The following LIPG variants were observed in gnomAD, a reference collection of about 807,000 sequenced individuals.
LIPG encodes the protein lipase G, endothelial type.
LIPG carries 34 observed loss-of-function variants against 51.8 expected under a neutral mutation model. The ratio of observed to expected loss-of-function variants is 0.66; its 90% confidence interval spans 0.50 to 0.87. The LOEUF (loss-of-function observed/expected upper bound fraction) is 0.87, where lower values mean the gene tolerates loss of function less well. Among genes scored for constraint, LIPG ranks in the 40% least tolerant of loss-of-function variants. LIPG has a pLI of 0.00. For synonymous variants in LIPG, 246 were observed against 246.1 expected (o/e 1.00, Z 0.00); for missense variants, 580 against 652.7 (o/e 0.89, Z 1.21).
chr18:49,587,770 C>A (rs1167878559), intron 9 of LIPG, among the ~76,000 whole-genome samples: 2 of 148,152 alleles, frequency 1.3e-5, no homozygotes, highest in Non-Finnish European at 3.0e-5. Flanking sequence ...GGTGCCCATT[C>A]CTGCCATCTT....
intron 7 of LIPG, among the ~76,000 whole-genome samples, chr18:49,583,208 G>A (rs143217740): frequency 2.0e-5 from 3 of 152,180 alleles, no homozygotes; most frequent in Non-Finnish European, 2.9e-5. Context: ...AAGGCTGAGC[G>A]GAACAGCGCA....
At chr18:49,567,075 G>A (rs1449977473) in intron 2 of LIPG, among the ~76,000 whole-genome samples, 5 of 152,210 alleles carry the variant, frequency 3.3e-5, no homozygotes, top group Non-Finnish European at 5.9e-5. Context: ...GGTGGCTCAC[G>A]CCTATAATCC....
chr18:49,587,622 G>T (rs1398741268), intron 9 of LIPG, among the ~76,000 whole-genome samples: 1 of 127,496 alleles, frequency 7.8e-6, no homozygotes, highest in Non-Finnish European at 1.7e-5. Context: ...AGGAGATAAA[G>T]AAGCAAGTGA....
Position 49,562,378 on chromosome 18 carries a change from C to T in LIPG, c.70C>T (p.Pro24Ser). Residue 24 changes from proline (P) to serine (S), a missense_variant, in exon 1 of 10, where the codon CCT becomes TCT. Physicochemically the swap from Pro to Ser is moderately conservative, Grantham distance 74. Coordinates refer to ENST00000261292, the MANE Select transcript of LIPG (RefSeq NM_006033.4). Reference sequence around the variant, plus strand: ...TTGCTTTGCTGCGGGGAGCCCCGTACCTTTTGGTCCAGAGGGACGGCTGGA... The same window carrying T: ...TTGCTTTGCTGCGGGGAGCCCCGTATCTTTTGGTCCAGAGGGACGGCTGGA... ...CYCFAAGSPV[P>S]FGPEGRLEDK... 9.3e-6 allele frequency: 15 copies of T among 1,614,032 alleles called. No homozygotes were observed. The highest frequency in any genetic ancestry group is 1.3e-5 in the Non-Finnish European group (15 of 1,180,040).
rs775729583 is a variant in LIPG, at chr18:49,581,657, G to A, written c.1036G>A (p.Val346Ile). The A allele has an allele frequency of 2.5e-6, 4 of 1,613,070 alleles. No individual in the cohort carries two copies. Among genetic ancestry groups the A allele is most frequent in the Admixed American group, 3.3e-5 (2 of 60,026 alleles). ...LKTRAGMPFRVYHYQMKIHVF... is the reference protein window; with the variant it reads ...LKTRAGMPFRIYHYQMKIHVF... Reference sequence around the variant, plus strand: ...AACCCGGGCAGGCATGCCTTTCAGAGGTAACCTTCAGTCCCTGGAGTGTCC... The same window carrying A: ...AACCCGGGCAGGCATGCCTTTCAGAAGTAACCTTCAGTCCCTGGAGTGTCC... Residue 346 changes from valine (V) to isoleucine (I), a missense_variant and splice_region_variant, in exon 6 of 10, where the codon GTT becomes ATT. Coordinates refer to ENST00000261292, the MANE Select transcript of LIPG (RefSeq NM_006033.4).
intron 1 of LIPG, among the ~76,000 whole-genome samples, chr18:49,562,881 G>C (rs1173572799): frequency 6.6e-6 from 1 of 152,210 alleles, no homozygotes; most frequent in Non-Finnish European, 1.5e-5. Context: ...TGCTTGCAGG[G>C]AGCGTCTGGT....
chr18:49,578,911 CT>C (rs1238328257), intron 5 of LIPG, among the ~76,000 whole-genome samples: 1 of 146,434 alleles, frequency 6.8e-6, no homozygotes, highest in African/African-American at 2.6e-5. Context: ...ACTCGGCAGG[CT>C]GAGGCAGGAG....
intron 5 of LIPG, among the ~76,000 whole-genome samples, chr18:49,579,009 G>A (rs1440475496): frequency 0.038 from 1 of 26 alleles, no homozygotes; most frequent in South Asian, 0.25. Flanking sequence ...GTGGGGAGAG[G>A]GAGAGGGAGA....
In LIPG at chr18:49,583,691, C is replaced by A. The variant is rs762656984; in HGVS notation, c.1293C>A (p.Arg431=). 1 of 1,614,190 alleles carries A rather than the reference C, an allele frequency of 6.2e-7. No individual in the cohort carries two copies. Among genetic ancestry groups the A allele is most frequent in the Non-Finnish European group, 8.5e-7 (1 of 1,180,042 alleles). The stretch of plus-strand genomic sequence containing the variant: ...GGTACAACCTGTGGAAGGAGTTTCG[C>A]AGCTACCTGTCTCAACCCCGCAACC... ...QSWYNLWKEF[R]SYLSQPRNPG... The change falls in exon 8 of 10, where the codon CGC becomes CGA. Residue 431 remains arginine, a synonymous_variant. Transcript: ENST00000261292.
intron 2 of LIPG, 92 bp downstream of exon 2, chr18:49,565,590 C>T (rs1475081593): frequency 2.1e-5 from 30 of 1,408,504 alleles, no homozygotes; most frequent in East Asian, 6.9e-5. Context: ...TTCCAGATTC[C>T]AAACCCTCTT....
upstream of LIPG, chr18:49,561,568 A>C: frequency 2.7e-6 from 2 of 746,764 alleles, no homozygotes; most frequent in South Asian, 7.1e-5. Flanking sequence ...CTAGGCGGGA[A>C]GGGAGGGAGA....
In LIPG at chr18:49,591,353, T is replaced by C. The variant is rs1268012082; in HGVS notation, c.*831T>C. ...GCTTTAAGTGGTTTCTATTTCTTCT[T>C]AGTTATTATGTGCCACCTTCTTAGT... On this transcript the variant is annotated 3_prime_UTR_variant, in exon 10 of 10. Transcript: ENST00000261292. 1 of 152,180 alleles carries C rather than the reference T, an allele frequency of 6.6e-6. No individual in the cohort carries two copies. The highest frequency in any genetic ancestry group is 1.5e-5 in the Non-Finnish European group (1 of 68,030). 9.4% of individuals were successfully genotyped at this position (152,180 alleles called of 1,614,324 possible).
At chr18:49,586,101 AC>A (rs2084877240) in intron 8 of LIPG, among the ~76,000 whole-genome samples, 2 of 152,150 alleles carry the variant, frequency 1.3e-5, no homozygotes, top group Admixed American at 6.5e-5. Context: ...GCCATAAGTT[AC>A]ATGGAAATGG....
chr18:49,590,858 T>C lies in LIPG; in HGVS notation c.*336T>C, dbSNP rs1044126312. On this transcript the variant is annotated 3_prime_UTR_variant, in exon 10 of 10. Transcript: ENST00000261292. ...TCTCAGTTGCTGGGCGAGCCTGTACTCTGCCTGACGAGGAACGCTGGCTCC... is the reference window on the plus strand; with the variant it reads ...TCTCAGTTGCTGGGCGAGCCTGTACCCTGCCTGACGAGGAACGCTGGCTCC... The C allele has an allele frequency of 1.6e-5, 7 of 424,256 alleles. No homozygotes were observed. Among genetic ancestry groups the C allele is most frequent in the Admixed American group, 3.5e-5 (1 of 28,210 alleles). The allele number at this position is 424,256 out of a possible 1,614,324, so 26.3% of individuals were successfully genotyped here. A position where few individuals can be genotyped will look rare whatever the true frequency, so the allele number is the denominator to read the frequency against.
intron 3 of LIPG, among the ~76,000 whole-genome samples, chr18:49,568,373 T>G (rs566958736): frequency 6.6e-6 from 1 of 151,460 alleles, no homozygotes; most frequent in Non-Finnish European, 1.5e-5. Context: ...AAAACAGATC[T>G]TGAAGTCTTA....
chr18:49,577,426 C>T (rs2084731168), intron 5 of LIPG, among the ~76,000 whole-genome samples: 1 of 144,320 alleles, frequency 6.9e-6, no homozygotes, highest in Admixed American at 6.8e-5. Context: ...TCTTTCTACA[C>T]AGACACGGCA....
At chr18:49,587,147 G>A (rs866996190) in intron 9 of LIPG, among the ~76,000 whole-genome samples, 24 of 151,422 alleles carry the variant, frequency 1.6e-4, no homozygotes, top group Middle Eastern at 3.5e-3. Flanking sequence ...GGTGGTGTGT[G>A]CCTGTAATCC....
intron 1 of LIPG, among the ~76,000 whole-genome samples, chr18:49,564,118 C>A (rs2084578497): frequency 6.6e-6 from 1 of 152,212 alleles, no homozygotes; most frequent in African/African-American, 2.4e-5. Context: ...CTGCTGCATT[C>A]TTCCCCCTCT....
rs1438990984 is a variant in LIPG at position 49,583,789 on chromosome 18, C to T, written c.1376+15C>T. The T allele has an allele frequency of 6.3e-7, 1 of 1,597,966 alleles. No individual in the cohort carries two copies. The highest frequency in any genetic ancestry group is 1.7e-5 in the Admixed American group (1 of 58,228). ...ACCCAGCGGAAGTAAGTGCCTCCTG[C>T]TCCTTCTTCTGCCTGGTGTAGGTGG... On this transcript the variant is annotated intron_variant, in intron 8 of 9. Coordinates refer to ENST00000261292, the MANE Select transcript of LIPG (RefSeq NM_006033.4).
Sources: allele counts gnomAD v4.1 joint callset (sites outside exome capture counted in the v4.1 genomes callset), GRCh38; gene constraint gnomAD v4.1.1; transcripts MANE v1.5; gene names NCBI Gene and HGNC (gene_info 2026-07-23, HGNC 2026-07-21).